The following TENM2 variants were observed in gnomAD, a reference collection of about 807,000 sequenced individuals.
The protein encoded by TENM2 is teneurin transmembrane protein 2.
TENM2 carries 52 observed loss-of-function variants against 245.2 expected under a neutral mutation model. The ratio of observed to expected loss-of-function variants is 0.21; its 90% confidence interval spans 0.17 to 0.27. TENM2 has a LOEUF of 0.27. Ranked by LOEUF, TENM2 falls within the 10% of genes least tolerant of loss-of-function variation. TENM2 has a pLI of 1.00. For missense variants in TENM2, 3,046 were observed against 3,666.8 expected, an observed-to-expected ratio of 0.83 and a Z score of 4.37; for synonymous variants, 1,363 against 1,438.9, an observed-to-expected ratio of 0.95 and a Z score of 1.19.
intron 13 of TENM2, chr5:168,186,611 A>G (rs1760458857): frequency 6.6e-6 from 1 of 151,956 alleles, no homozygotes; most frequent in Non-Finnish European, 1.5e-5. Context: ...CTTTTTGAGG[A>G]CTCTGCAAAC....
At chr5:168,183,813 C>T (rs943528461) in intron 13 of TENM2, among the ~76,000 whole-genome samples, 1 of 148,982 alleles carries the variant, frequency 6.7e-6, no homozygotes, top group South Asian at 2.1e-4. Flanking sequence ...AAAAAAAAAA[C>T]CCATATGATG....
chr5:167,746,949 G>A (rs565024518), intron 2 of TENM2, among the ~76,000 whole-genome samples: 20 of 152,232 alleles, frequency 1.3e-4, no homozygotes, highest in South Asian at 1.0e-3. Context: ...ATAGTGCAAC[G>A]TGTTAGCATA....
At chr5:167,538,454 C>T (rs1771991113) in intron 2 of TENM2, among the ~76,000 whole-genome samples, 1 of 152,194 alleles carries the variant, frequency 6.6e-6, no homozygotes, top group Non-Finnish European at 1.5e-5. Context: ...TATGATTCCC[C>T]TTGACTCATT....
intron 8 of TENM2, among the ~76,000 whole-genome samples, chr5:168,095,955 G>A (rs1281485015): frequency 6.6e-6 from 1 of 152,134 alleles, no homozygotes; most frequent in East Asian, 1.9e-4. Context: ...CTCAGGTCGG[G>A]TGATGCCAGT....
At chr5:167,657,471 C>T (rs1390158827) in intron 2 of TENM2, among the ~76,000 whole-genome samples, 1 of 152,178 alleles carries the variant, frequency 6.6e-6, no homozygotes, top group Non-Finnish European at 1.5e-5. Flanking sequence ...CTTCCATACA[C>T]TAGTTTCCTT....
chr5:167,569,018 C>G (rs2127656147), intron 2 of TENM2, among the ~76,000 whole-genome samples: 1 of 139,942 alleles, frequency 7.1e-6, no homozygotes, highest in South Asian at 2.5e-4. Context: ...GGCCCATCTT[C>G]AAGCAGAATG....
At chr5:167,739,148 A>T (rs1323119778) in intron 2 of TENM2, among the ~76,000 whole-genome samples, 1 of 152,210 alleles carries the variant, frequency 6.6e-6, no homozygotes, top group Non-Finnish European at 1.5e-5. Context: ...AGAAAAGGAC[A>T]GGGTGGCTTT....
At chr5:167,169,584 G>A in the TENM2 span, among the ~76,000 whole-genome samples, 263 of 152,266 alleles carry the variant, frequency 1.7e-3, no homozygotes, top group East Asian at 0.015. Context: ...ATGAGACTAC[G>A]CATGTAGCAC....
intron 2 of TENM2, among the ~76,000 whole-genome samples, chr5:167,458,443 T>C (rs1766055472): frequency 7.8e-6 from 1 of 128,560 alleles, no homozygotes; most frequent in Non-Finnish European, 1.6e-5. Context: ...ACTGAGATCA[T>C]GCAACTGCAC....
intron 2 of TENM2, among the ~76,000 whole-genome samples, chr5:167,451,278 C>T (rs186327617): frequency 6.6e-6 from 1 of 152,260 alleles, no homozygotes; most frequent in East Asian, 1.9e-4. Flanking sequence ...CAGAAGGAGC[C>T]TGTAATGAGC....
chr5:167,353,728 C>T (rs1035883956), intron 1 of TENM2, among the ~76,000 whole-genome samples: 1 of 151,578 alleles, frequency 6.6e-6, no homozygotes, highest in African/African-American at 2.4e-5. Context: ...GGGATGGTCT[C>T]GATCTCCTGA....
the TENM2 span, among the ~76,000 whole-genome samples, chr5:167,209,423 T>C: frequency 1.3e-5 from 2 of 151,750 alleles, no homozygotes; most frequent in Non-Finnish European, 2.9e-5. Context: ...GCCACCATGC[T>C]CAGCTAATTT....
At chr5:167,688,952 T>C (rs950599845) in intron 2 of TENM2, among the ~76,000 whole-genome samples, 1 of 152,100 alleles carries the variant, frequency 6.6e-6, no homozygotes, top group Non-Finnish European at 1.5e-5. Context: ...CATTTTTTTT[T>C]CTTTTCCATT....
At chr5:167,927,845 G>A (rs879914240) in intron 3 of TENM2, among the ~76,000 whole-genome samples, 1 of 152,156 alleles carries the variant, frequency 6.6e-6, no homozygotes, top group Non-Finnish European at 1.5e-5. Flanking sequence ...CGGGTCCTGA[G>A]TGCCTGCCCA....
the TENM2 span, among the ~76,000 whole-genome samples, chr5:167,241,356 C>A: frequency 2.8e-4 from 42 of 152,230 alleles, no homozygotes; most frequent in East Asian, 5.8e-3. Flanking sequence ...CAAATTCTGA[C>A]AAATGCTCTG....
At chr5:167,578,995 C>A (rs755057319) in intron 2 of TENM2, among the ~76,000 whole-genome samples, 32 of 152,302 alleles carry the variant, frequency 2.1e-4, no homozygotes, top group Admixed American at 6.5e-4. Flanking sequence ...TGGACACGGT[C>A]ACCAACATCA....
chr5:167,012,913 A>G, the TENM2 span, among the ~76,000 whole-genome samples: 1 of 152,078 alleles, frequency 6.6e-6, no homozygotes, highest in Non-Finnish European at 1.5e-5. Context: ...AGCAGCCTTG[A>G]GTAAATAAGC....
At chr5:168,192,498 AC>A (rs1473128556) in intron 14 of TENM2, among the ~76,000 whole-genome samples, 8 of 152,130 alleles carry the variant, frequency 5.3e-5, no homozygotes, top group Non-Finnish European at 1.2e-4. Flanking sequence ...CCTGAAGACT[AC>A]CCCCATGCAT....
rs144042284 is a variant in TENM2, at chr5:167,817,659, T to C, written c.503-58327T>C. 3.9e-5 allele frequency among the ~76,000 whole-genome samples: 6 copies of C among 152,224 alleles called. No individual in the cohort carries two copies. In the East Asian group the frequency reaches 1.2e-3, roughly 29 times the overall value. On this transcript the variant is annotated intron_variant, in intron 2 of 28. Coordinates refer to ENST00000518659, the Ensembl canonical transcript of TENM2. ...AATCACTATCTGAAAAAAAAATATG[T>C]TCAGTAAAAAGTTAAATATGGGTCA...
Sources: allele counts gnomAD v4.1 joint callset (sites outside exome capture counted in the v4.1 genomes callset), GRCh38; gene constraint gnomAD v4.1.1; transcripts MANE v1.5; gene names NCBI Gene and HGNC (gene_info 2026-07-23, HGNC 2026-07-21).